Variants in PFKFB3 observed in about 807,000 individuals in gnomAD.
The protein encoded by PFKFB3 is 6-phosphofructo-2-kinase/fructose-2,6-bisphosphatase 3.
A neutral mutation model predicts 68.0 loss-of-function variants in PFKFB3; 33 were observed. That is an observed-to-expected ratio of 0.49 (90% CI 0.37 to 0.65). PFKFB3 has a LOEUF of 0.65. Ranked by LOEUF, PFKFB3 falls within the 30% of genes least tolerant of loss-of-function variation. The probability of loss-of-function intolerance (pLI) is 0.00; values close to 1 mark genes in which losing one functional copy is unlikely to be tolerated. For missense variants in PFKFB3, 586 were observed against 712.2 expected, an observed-to-expected ratio of 0.82 and a Z score of 2.02; for synonymous variants, 315 against 288.2, an observed-to-expected ratio of 1.09 and a Z score of -0.94.
chr10:6,314,181 A>G, the PFKFB3 span, among the ~76,000 whole-genome samples: 1 of 152,232 alleles, frequency 6.6e-6, no homozygotes, highest in Non-Finnish European at 1.5e-5. Context: ...AAAAGGCCAA[A>G]ATGATTTCCT....
At position 6,156,129 on chromosome 10, in the gene PFKFB3, ATGTG is replaced by A. The variant is rs112267780; in HGVS notation, c.16+11148_16+11151del. 3.0e-3 allele frequency among the ~76,000 whole-genome samples: 288 copies of A among 96,984 alleles called. 1 individual carries two copies. Among genetic ancestry groups the A allele is most frequent in the East Asian group, 0.014 (56 of 4,076 alleles). The allele number at this position is 96,984 out of a possible 152,430, so 63.6% of individuals were successfully genotyped here. A position where few individuals can be genotyped will look rare whatever the true frequency, so the allele number is the denominator to read the frequency against. Reference sequence around the variant, plus strand: ...AGATATTATATATATGTACATATATATGTGTGTGTGTGTGTGTGTGTGTGTGTGT... The same window carrying A: ...AGATATTATATATATGTACATATATATGTGTGTGTGTGTGTGTGTGTGTGT... On this transcript the variant is annotated intron_variant, in intron 1 of 14. Transcript: ENST00000379789.
intron 1 of PFKFB3, among the ~76,000 whole-genome samples, chr10:6,191,738 A>T (rs1365104330): frequency 6.6e-6 from 1 of 152,148 alleles, no homozygotes; most frequent in Non-Finnish European, 1.5e-5. Context: ...CTGTACAGAG[A>T]AGGCATCTCT....
the PFKFB3 span, among the ~76,000 whole-genome samples, chr10:6,314,160 A>G: frequency 0.13 from 19,413 of 152,300 alleles, 1,339 homozygotes; most frequent in Non-Finnish European, 0.16. Context: ...TGTGGGAATA[A>G]TCTAGAAGCA....
chr10:6,262,785 G>A, the PFKFB3 span, among the ~76,000 whole-genome samples: 1 of 152,168 alleles, frequency 6.6e-6, no homozygotes, highest in Admixed American at 6.5e-5. Context: ...GAGGAGCAAA[G>A]GCAAGAGGGT....
intron 1 of PFKFB3, among the ~76,000 whole-genome samples, chr10:6,145,666 C>G (rs1165838173): frequency 1.3e-5 from 2 of 152,214 alleles, no homozygotes; most frequent in African/African-American, 4.8e-5. Flanking sequence ...CAGCCCCCAG[C>G]CCCAGTTGCC....
chr10:6,204,814 C>T (rs946846511), intron 1 of PFKFB3, among the ~76,000 whole-genome samples: 5 of 152,272 alleles, frequency 3.3e-5, no homozygotes, highest in Non-Finnish European at 7.3e-5. Context: ...CAAGTATTAT[C>T]TCTATAGCAC....
At chr10:6,227,818 C>G (rs1845456251) in intron 14 of PFKFB3, among the ~76,000 whole-genome samples, 1 of 152,180 alleles carries the variant, frequency 6.6e-6, no homozygotes, top group African/African-American at 2.4e-5. Flanking sequence ...CCTTGCAGGT[C>G]TCAGATCTGA....
rs762163058 is a variant in PFKFB3, at chr10:6,220,774, G to A, written c.740G>A (p.Arg247His). ...YYLMNIHVQPRTIYLCRHGEN... is the reference protein window; with the variant it reads ...YYLMNIHVQPHTIYLCRHGEN... ...CTGATGAACATCCACGTGCAGCCGC[G>A]TACCATCTACCTGTGCCGGCACGGC... Residue 247 changes from arginine to histidine, a missense_variant, in exon 8 of 15, where the codon CGT becomes CAT. Arg to His is a conservative substitution (Grantham distance 29). Coordinates refer to ENST00000379775, the MANE Select transcript of PFKFB3 (RefSeq NM_004566.4). The surrounding 1 kb of genome is among the most constrained non-coding windows in gnomAD (Gnocchi z 4.1). 1.2e-5 allele frequency: 20 copies of A among 1,613,932 alleles called. No homozygotes were observed. Among genetic ancestry groups the A allele is most frequent in the East Asian group, 2.2e-5 (1 of 44,886 alleles).
At chr10:6,276,390 T>C in the PFKFB3 span, among the ~76,000 whole-genome samples, 3 of 146,874 alleles carry the variant, frequency 2.0e-5, no homozygotes, top group Non-Finnish European at 3.0e-5. Context: ...AGGGCCATGC[T>C]TCAGAAAAAA....
intron 1 of PFKFB3, among the ~76,000 whole-genome samples, chr10:6,164,871 C>T (rs749927548): frequency 2.0e-5 from 3 of 152,160 alleles, no homozygotes; most frequent in Non-Finnish European, 4.4e-5. Flanking sequence ...AGCATATCGC[C>T]TACAGCCACA....
chr10:6,286,254 G>A, the PFKFB3 span, among the ~76,000 whole-genome samples: 2 of 150,556 alleles, frequency 1.3e-5, no homozygotes, highest in East Asian at 2.0e-4. Context: ...TGGGATTACA[G>A]GCGTGAGCCA....
At chr10:6,176,594 C>T (rs2131764390) in intron 1 of PFKFB3, among the ~76,000 whole-genome samples, 1 of 152,214 alleles carries the variant, frequency 6.6e-6, no homozygotes, top group Middle Eastern at 3.4e-3. Context: ...CTTTGTTGTC[C>T]AGGCTGTTCT....
At chr10:6,297,112 G>A in the PFKFB3 span, among the ~76,000 whole-genome samples, 2 of 152,216 alleles carry the variant, frequency 1.3e-5, no homozygotes, top group East Asian at 1.9e-4. Context: ...TTGCCTGGGC[G>A]TAACCAGGAA....
At chr10:6,192,096 T>C (rs1053949236) in intron 1 of PFKFB3, among the ~76,000 whole-genome samples, 1 of 149,070 alleles carries the variant, frequency 6.7e-6, no homozygotes, top group South Asian at 2.1e-4. Flanking sequence ...TGATTTGGCC[T>C]TCACTCCTTG....
the PFKFB3 span, among the ~76,000 whole-genome samples, chr10:6,317,098 A>C: frequency 2.4e-4 from 36 of 152,332 alleles, no homozygotes; most frequent in African/African-American, 8.4e-4. Context: ...CAAGGTATTC[A>C]TGGATGCCTT....
the PFKFB3 span, among the ~76,000 whole-genome samples, chr10:6,315,316 G>A: frequency 6.6e-6 from 1 of 152,148 alleles, no homozygotes; most frequent in African/African-American, 2.4e-5. Flanking sequence ...CCCCAAGAGA[G>A]GGTTCTTGGA....
At chr10:6,273,548 CA>C in the PFKFB3 span, among the ~76,000 whole-genome samples, 2 of 152,164 alleles carry the variant, frequency 1.3e-5, no homozygotes, top group East Asian at 3.9e-4. Context: ...CTAAGGAAAG[CA>C]TGGAGATTGG....
At chr10:6,200,680 GGGT>G (rs1564613493), upstream of PFKFB3, among the ~76,000 whole-genome samples, 2 of 135,256 alleles carry the variant, frequency 1.5e-5, no homozygotes, top group Admixed American at 7.1e-5. Context: ...GGGGGGCGGG[GGGT>G]GGTGGTGGGG....
the PFKFB3 span, among the ~76,000 whole-genome samples, chr10:6,312,388 C>T: frequency 2.0e-5 from 3 of 152,150 alleles, no homozygotes; most frequent in Non-Finnish European, 4.4e-5. Context: ...TCCATCTCGG[C>T]TCCAATCTTA....
Sources: allele counts gnomAD v4.1 joint callset (sites outside exome capture counted in the v4.1 genomes callset), GRCh38; gene constraint gnomAD v4.1.1; non-coding constraint Gnocchi (gnomAD v3.1); transcripts MANE v1.5; gene names NCBI Gene and HGNC (gene_info 2026-07-23, HGNC 2026-07-21).